MGAT4C: variants seen among roughly 807,000 people sequenced by gnomAD.
The protein encoded by MGAT4C is alpha-1,3-mannosyl-glycoprotein 4-beta-N-acetylglucosaminyltransferase C.
A neutral mutation model predicts 40.1 loss-of-function variants in MGAT4C; 19 were observed. The ratio of observed to expected loss-of-function variants is 0.47; its 90% CI spans 0.33 to 0.70. The LOEUF (loss-of-function observed/expected upper bound fraction) is 0.70, where lower values mean the gene tolerates loss of function less well. Among genes scored for constraint, MGAT4C ranks in the 30% least tolerant of loss-of-function variants. MGAT4C has a pLI of 0.02. For synonymous variants in MGAT4C, 181 were observed against 187.1 expected (o/e 0.97, Z 0.27); for missense variants, 491 against 563.2 (o/e 0.87, Z 1.30).
chr12:86,152,158 G>C (rs904618053), intron 1 of MGAT4C, among the ~76,000 whole-genome samples: 31 of 152,136 alleles, frequency 2.0e-4, no homozygotes, highest in African/African-American at 7.5e-4. Flanking sequence ...TTTTCCTCAG[G>C]CTTTACCCTA....
intron 1 of MGAT4C, among the ~76,000 whole-genome samples, chr12:86,200,139 T>A (rs940137496): frequency 1.0e-4 from 14 of 134,624 alleles, no homozygotes; most frequent in Admixed American, 1.6e-4. Context: ...TTTTTTTTTT[T>A]TTTTTTTTGA....
chr12:86,362,194 G>C (rs1190515056), intron 3 of MGAT4C, among the ~76,000 whole-genome samples: 6 of 152,148 alleles, frequency 3.9e-5, no homozygotes, highest in Non-Finnish European at 8.8e-5. Flanking sequence ...GTAGGGACAT[G>C]GATGAAGCTG....
intron 2 of MGAT4C, among the ~76,000 whole-genome samples, chr12:86,637,540 C>A (rs1007554832): frequency 6.6e-6 from 1 of 151,846 alleles, no homozygotes; most frequent in Non-Finnish European, 1.5e-5. Flanking sequence ...CTGTCCTTAA[C>A]TTTATTTCTG....
At chr12:86,408,485 A>AC (rs1956530637) in intron 3 of MGAT4C, among the ~76,000 whole-genome samples, 1 of 69,284 alleles carries the variant, frequency 1.4e-5, no homozygotes, top group South Asian at 6.1e-4. Context: ...CTCTCTATAT[A>AC]TATATATATA....
chr12:86,384,012 A>G (rs1354883735), intron 3 of MGAT4C, among the ~76,000 whole-genome samples: 1 of 152,242 alleles, frequency 6.6e-6, no homozygotes, highest in African/African-American at 2.4e-5. Flanking sequence ...TGTTCTAATG[A>G]TAGTGAATAA....
At chr12:86,316,405 A>G (rs776048727) in intron 4 of MGAT4C, among the ~76,000 whole-genome samples, 5 of 152,228 alleles carry the variant, frequency 3.3e-5, no homozygotes, top group Non-Finnish European at 7.3e-5. Flanking sequence ...TACTAAAAGG[A>G]AACATGCATT....
intron 2 of MGAT4C, among the ~76,000 whole-genome samples, chr12:86,487,717 A>G (rs1015922953): frequency 2.6e-5 from 4 of 152,202 alleles, no homozygotes; most frequent in Admixed American, 2.0e-4. Flanking sequence ...AAATAAAGCA[A>G]TGAAGAAAAT....
chr12:86,821,547 A>T lies in MGAT4C; in HGVS notation c.-262+17119T>A, dbSNP rs544486068. On this transcript the variant is annotated intron_variant, in intron 1 of 7. Coordinates refer to the MGAT4C transcript ENST00000548651. ...TTTTAGTTATTTTGAAATATACAGT[A>T]AGTTATTGTTAATGATACTTATCAT... Among the ~76,000 whole-genome samples, 14 of 151,008 alleles carry T rather than the reference A, an allele frequency of 9.3e-5. No individual in the cohort carries two copies. In the South Asian group the frequency reaches 2.5e-3, roughly 27 times the overall value.
At chr12:86,670,198 T>C (rs1051628162) in intron 2 of MGAT4C, among the ~76,000 whole-genome samples, 3 of 152,050 alleles carry the variant, frequency 2.0e-5, no homozygotes, top group Non-Finnish European at 2.9e-5. Context: ...TCTCCAGTAA[T>C]GGTCCATAAC....
rs544703785 is a variant in MGAT4C at position 86,034,097 on chromosome 12, C to T, written c.-7+15577G>A. ...TTGAACCAGCCTTGCATCCCAGGGACGAATCCTGATTGATAATGCTGGATT... is the reference window on the plus strand; with the variant it reads ...TTGAACCAGCCTTGCATCCCAGGGATGAATCCTGATTGATAATGCTGGATT... On this transcript the variant is annotated intron_variant, in intron 2 of 4. Coordinates refer to ENST00000611864, the MANE Select transcript of MGAT4C (RefSeq NM_001351288.2). Among the ~76,000 whole-genome samples the T allele has an allele frequency of 1.9e-4, 28 of 149,556 alleles. 3 individuals are homozygous for T. The highest frequency in any genetic ancestry group is 6.3e-4 in the South Asian group (3 of 4,752).
intron 3 of MGAT4C, among the ~76,000 whole-genome samples, chr12:86,432,311 T>G (rs565880213): frequency 2.6e-5 from 4 of 152,000 alleles, no homozygotes; most frequent in Non-Finnish European, 5.9e-5. Context: ...AAAAAACCTT[T>G]GAGATGTTTC....
intron 4 of MGAT4C, among the ~76,000 whole-genome samples, chr12:86,314,976 T>C (rs941313498): frequency 6.6e-6 from 1 of 151,530 alleles, no homozygotes; most frequent in Non-Finnish European, 1.5e-5. Flanking sequence ...TGTCATTTTT[T>C]ACAGAATTAG....
chr12:86,200,801 A>G (rs1177827970), intron 1 of MGAT4C, among the ~76,000 whole-genome samples: 1 of 152,184 alleles, frequency 6.6e-6, no homozygotes, highest in African/African-American at 2.4e-5. Flanking sequence ...AAAGGTGTAT[A>G]AGGACGTAAT....
intron 2 of MGAT4C, among the ~76,000 whole-genome samples, chr12:86,014,915 G>T (rs984675318): frequency 6.6e-6 from 1 of 151,450 alleles, no homozygotes; most frequent in Non-Finnish European, 1.5e-5. Flanking sequence ...CTGAGTAGCT[G>T]GGACTACTGG....
intron 2 of MGAT4C, among the ~76,000 whole-genome samples, chr12:86,544,063 A>T (rs1472275697): frequency 1.3e-5 from 2 of 152,176 alleles, no homozygotes; most frequent in Non-Finnish European, 2.9e-5. Context: ...CTTCAGAATC[A>T]TTAGTTGATT....
In MGAT4C at chr12:86,358,566, C is replaced by T. The variant is rs142649619; in HGVS notation, c.-119-24439G>A. 1.6e-4 allele frequency among the ~76,000 whole-genome samples: 24 copies of T among 152,226 alleles called. No homozygotes were observed. The East Asian group carries it at 4.6e-3, about 29-fold the overall frequency. ...TAAAGAGTCAAGATCCATCAGTGTGCCGTATTCAGGAGGCCCATCTCATGT... is the reference window on the plus strand; with the variant it reads ...TAAAGAGTCAAGATCCATCAGTGTGTCGTATTCAGGAGGCCCATCTCATGT... On this transcript the variant is annotated intron_variant, in intron 3 of 7. Coordinates refer to the MGAT4C transcript ENST00000548651.
At chr12:85,999,964 T>C (rs1887120089) in intron 2 of MGAT4C, among the ~76,000 whole-genome samples, 1 of 152,136 alleles carries the variant, frequency 6.6e-6, no homozygotes, top group Admixed American at 6.6e-5. Context: ...TGACTACAGC[T>C]AATAACAAAG....
intron 2 of MGAT4C, among the ~76,000 whole-genome samples, chr12:86,033,580 A>G (rs1443555770): frequency 6.7e-6 from 1 of 149,530 alleles, no homozygotes; most frequent in East Asian, 1.9e-4. Flanking sequence ...TAGAAATGCT[A>G]CTAATTTTGG....
At chr12:86,227,409 G>C (rs549170701) in intron 1 of MGAT4C, among the ~76,000 whole-genome samples, 1 of 151,650 alleles carries the variant, frequency 6.6e-6, no homozygotes, top group African/African-American at 2.4e-5. Context: ...TCTCTGTATT[G>C]GTTTCACTAC....
Sources: allele counts gnomAD v4.1 joint callset (sites outside exome capture counted in the v4.1 genomes callset), GRCh38; gene constraint gnomAD v4.1.1; transcripts MANE v1.5; gene names NCBI Gene and HGNC (gene_info 2026-07-23, HGNC 2026-07-21).